Variants in KCNIP4 observed in about 807,000 individuals in gnomAD.
KCNIP4 encodes potassium voltage-gated channel interacting protein 4.
A neutral mutation model predicts 34.0 loss-of-function variants in KCNIP4; 12 were observed. The observed-to-expected ratio is 0.35, with a 90% CI of 0.23 to 0.57. The LOEUF (loss-of-function observed/expected upper bound fraction) is 0.57. KCNIP4 is among the 20% of genes least tolerant of loss of function. The pLI is 0.83. For synonymous variants in KCNIP4, 124 were observed against 102.2 expected (o/e 1.21, Z -1.29); for missense variants, 238 against 311.7 (o/e 0.76, Z 1.78).
intron 1 of KCNIP4, among the ~76,000 whole-genome samples, chr4:21,780,083 G>A (rs1212529617): frequency 6.6e-6 from 1 of 152,104 alleles, no homozygotes; most frequent in Non-Finnish European, 1.5e-5. Context: ...GAAGATAGTG[G>A]ATGAAATTCC....
chr4:21,138,834 A>G (rs1451473917), intron 1 of KCNIP4, among the ~76,000 whole-genome samples: 2 of 152,102 alleles, frequency 1.3e-5, no homozygotes, highest in Non-Finnish European at 2.9e-5. Context: ...GATGGAAAGG[A>G]GTCATGAGGC....
intron 1 of KCNIP4, among the ~76,000 whole-genome samples, chr4:21,946,535 T>A (rs1037336221): frequency 2.6e-5 from 4 of 152,194 alleles, no homozygotes; most frequent in Admixed American, 6.5e-5. Context: ...CCATCCTATA[T>A]CTGATCACAA....
chr4:21,627,812 T>A (rs1281050014), intron 1 of KCNIP4, among the ~76,000 whole-genome samples: 3 of 152,172 alleles, frequency 2.0e-5, no homozygotes, highest in African/African-American at 4.8e-5. Context: ...CTGAGTCTAA[T>A]AAGTGTCGGT....
Position 21,256,054 on chromosome 4 carries a change from A to G in KCNIP4, c.62-373345T>C, listed in dbSNP as rs890147261. ...CAGGGAACATAAATGCTAGCAAGGTAAAAAAAAAAATTAGGATAATAAAAT... is the reference window on the plus strand; with the variant it reads ...CAGGGAACATAAATGCTAGCAAGGTGAAAAAAAAAATTAGGATAATAAAAT... On this transcript the variant is annotated intron_variant, in intron 1 of 8. Coordinates refer to ENST00000382152, the MANE Select transcript of KCNIP4 (RefSeq NM_025221.6). Among the ~76,000 whole-genome samples, 18 of 88,936 alleles carry G rather than the reference A, an allele frequency of 2.0e-4. No individual in the cohort carries two copies. In the African/African-American group the frequency reaches 2.5e-3, roughly 12 times the overall value. The allele number at this position is 88,936 out of a possible 152,430, so 58.3% of individuals were successfully genotyped here.
At chr4:20,745,675 A>G (rs987036844) in intron 5 of KCNIP4, among the ~76,000 whole-genome samples, 3 of 152,142 alleles carry the variant, frequency 2.0e-5, no homozygotes, top group Non-Finnish European at 4.4e-5. Context: ...TATCAAGGCA[A>G]AAGGAGAAAG....
chr4:21,697,766 G>A (rs1379915808), intron 1 of KCNIP4: 2 of 744,976 alleles, frequency 2.7e-6, no homozygotes, highest in African/African-American at 1.9e-5. Context: ...CCCCTCTCCA[G>A]AAGCAGTTGC....
At chr4:21,288,086 G>A (rs997210325) in intron 1 of KCNIP4, among the ~76,000 whole-genome samples, 3 of 152,062 alleles carry the variant, frequency 2.0e-5, no homozygotes, top group Non-Finnish European at 4.4e-5. Context: ...TTAAACATCA[G>A]CAGCTTTTTT....
At chr4:21,711,735 G>C (rs1338821373) in intron 1 of KCNIP4, among the ~76,000 whole-genome samples, 1 of 152,092 alleles carries the variant, frequency 6.6e-6, no homozygotes, top group Non-Finnish European at 1.5e-5. Flanking sequence ...AGACAAAAAG[G>C]GAACTAATGA....
intron 8 of KCNIP4, among the ~76,000 whole-genome samples, chr4:20,730,515 C>T (rs1174121657): frequency 2.0e-5 from 3 of 152,088 alleles, no homozygotes; most frequent in Non-Finnish European, 4.4e-5. Flanking sequence ...GACTTTTATA[C>T]AGGTACAAGG....
rs147007929 is a variant in KCNIP4, at chr4:21,749,756, A to G, written c.61+198815T>C. Reference sequence around the variant, plus strand: ...TCACTCTTCCACATCTTTGGGTAGAAAGAACAGCAGGGCATGCCTGTTTGG... The same window carrying G: ...TCACTCTTCCACATCTTTGGGTAGAGAGAACAGCAGGGCATGCCTGTTTGG... On this transcript the variant is annotated intron_variant, in intron 1 of 8. Transcript: ENST00000382152. Among the ~76,000 whole-genome samples, 1,328 of 152,234 alleles carry G rather than the reference A, an allele frequency of 8.7e-3. 18 individuals are homozygous for G. The highest frequency in any genetic ancestry group is 0.039 in the South Asian group (187 of 4,826).
chr4:21,821,686 C>T (rs1028667760), intron 1 of KCNIP4, among the ~76,000 whole-genome samples: 1 of 152,068 alleles, frequency 6.6e-6, no homozygotes, highest in Non-Finnish European at 1.5e-5. Context: ...TCTTGTGAAT[C>T]ATCACAGCCT....
At chr4:21,552,578 C>T (rs998256291) in intron 1 of KCNIP4, among the ~76,000 whole-genome samples, 1 of 152,054 alleles carries the variant, frequency 6.6e-6, no homozygotes, top group African/African-American at 2.4e-5. Flanking sequence ...TGCCTGTATC[C>T]TGATTAGATA....
At chr4:20,734,001 A>G (rs531587905) in intron 6 of KCNIP4, among the ~76,000 whole-genome samples, 7 of 152,280 alleles carry the variant, frequency 4.6e-5, no homozygotes, top group African/African-American at 1.7e-4. Context: ...CGTGAGGCAA[A>G]GAGAGACAGG....
chr4:21,775,947 A>G (rs1393766602), intron 1 of KCNIP4, among the ~76,000 whole-genome samples: 3 of 152,202 alleles, frequency 2.0e-5, no homozygotes, highest in Non-Finnish European at 4.4e-5. Flanking sequence ...GTTAGACAGC[A>G]GGCAGCCACA....
intron 1 of KCNIP4, among the ~76,000 whole-genome samples, chr4:21,627,686 T>C (rs989941313): frequency 6.6e-6 from 1 of 152,144 alleles, no homozygotes; most frequent in Non-Finnish European, 1.5e-5. Flanking sequence ...TAAAAAGAAT[T>C]GTGGTTTCTG....
chr4:21,885,421 A>C (rs1216243438), intron 1 of KCNIP4, among the ~76,000 whole-genome samples: 1 of 152,118 alleles, frequency 6.6e-6, no homozygotes, highest in African/African-American at 2.4e-5. Flanking sequence ...ATCCTAAAAA[A>C]TGCAGCCACA....
At chr4:21,487,608 C>T (rs927732075) in intron 1 of KCNIP4, among the ~76,000 whole-genome samples, 1 of 152,154 alleles carries the variant, frequency 6.6e-6, no homozygotes, top group African/African-American at 2.4e-5. Context: ...AGGAAATCCA[C>T]ATTATCAGAA....
intron 1 of KCNIP4, among the ~76,000 whole-genome samples, chr4:21,148,131 GCTTAAC>G (rs1752517068): frequency 6.6e-6 from 1 of 151,930 alleles, no homozygotes; most frequent in Non-Finnish European, 1.5e-5. Context: ...CTGCCTAATG[GCTTAAC>G]CTTTGATGTA....
chr4:21,188,515 A>G lies in KCNIP4; in HGVS notation c.62-305806T>C, dbSNP rs1021600209. On this transcript the variant is annotated intron_variant, in intron 1 of 8. Coordinates refer to ENST00000382152, the MANE Select transcript of KCNIP4 (RefSeq NM_025221.6). ...CTCATGTTTTTTGTTTCTAAAACAT[A>G]TGGTTTCTTGCTACATGTAGAGAAT... Among the ~76,000 whole-genome samples the G allele has an allele frequency of 2.1e-5, 3 of 140,276 alleles. No homozygotes were observed. The Admixed American group carries it at 2.3e-4, about 11-fold the overall frequency. The allele number at this position is 140,276 out of a possible 152,430, so 92.0% of individuals were successfully genotyped here.
Sources: allele counts gnomAD v4.1 joint callset (sites outside exome capture counted in the v4.1 genomes callset), GRCh38; gene constraint gnomAD v4.1.1; transcripts MANE v1.5; gene names NCBI Gene and HGNC (gene_info 2026-07-23, HGNC 2026-07-21).